The following DISC1 variants were observed in gnomAD, a reference collection of about 807,000 sequenced individuals.
The protein encoded by DISC1 is DISC1 scaffold protein.
In DISC1, 57 loss-of-function variants were observed where a neutral mutation model predicts 84.5. The observed-to-expected ratio is 0.67, with a 90% CI of 0.55 to 0.84. The LOEUF (loss-of-function observed/expected upper bound fraction) is 0.84. Among genes scored for constraint, DISC1 ranks in the 40% least tolerant of loss-of-function variants. The pLI is 0.00. For synonymous variants in DISC1, 411 were observed against 415.2 expected, an observed-to-expected ratio of 0.99 and a Z score of 0.12; for missense variants, 1,000 against 1,057.8, an observed-to-expected ratio of 0.95 and a Z score of 0.76.
intron 9 of DISC1, among the ~76,000 whole-genome samples, chr1:231,921,923 T>G (rs1254014706): frequency 6.6e-6 from 1 of 151,006 alleles, no homozygotes; most frequent in Non-Finnish European, 1.5e-5. Flanking sequence ...CTGCAATAGA[T>G]CTCCAGAATT....
intron 9 of DISC1, among the ~76,000 whole-genome samples, chr1:231,844,784 G>A (rs940423774): frequency 2.6e-5 from 4 of 151,922 alleles, no homozygotes; most frequent in South Asian, 2.1e-4. Flanking sequence ...AAAATTAGCC[G>A]GACATTGTGG....
intron 6 of DISC1, chr1:231,774,623 C>A (rs1219233064): frequency 2.2e-6 from 1 of 448,630 alleles, no homozygotes; most frequent in Admixed American, 2.4e-5. Context: ...GGTCAGCTTC[C>A]TTTCTTCCAC....
chr1:231,780,685 A>G (rs1380245868), intron 6 of DISC1, among the ~76,000 whole-genome samples: 1 of 103,274 alleles, frequency 9.7e-6, no homozygotes, highest in African/African-American at 3.8e-5. Context: ...ACTATAAATC[A>G]TGCTGCTATA....
At chr1:231,988,608 A>T (rs1664780878) in intron 10 of DISC1, among the ~76,000 whole-genome samples, 1 of 152,162 alleles carries the variant, frequency 6.6e-6, no homozygotes, top group South Asian at 2.1e-4. Context: ...ACCTGCAAGA[A>T]ATTGGGAACT....
At chr1:231,790,816 C>T (rs1291091342) in intron 6 of DISC1, among the ~76,000 whole-genome samples, 3 of 152,330 alleles carry the variant, frequency 2.0e-5, no homozygotes, top group African/African-American at 7.2e-5. Context: ...CCGCGCCTGG[C>T]CTTCCACATC....
chr1:231,627,164 CTG>C (rs1286179078), intron 1 of DISC1, among the ~76,000 whole-genome samples: 1 of 152,200 alleles, frequency 6.6e-6, no homozygotes, highest in African/African-American at 2.4e-5. Context: ...TGACCCAGGA[CTG>C]TGCAGCGATC....
chr1:231,777,663 A>G (rs1321270789), intron 6 of DISC1, among the ~76,000 whole-genome samples: 1 of 152,196 alleles, frequency 6.6e-6, no homozygotes, highest in Non-Finnish European at 1.5e-5. Flanking sequence ...TTCCCTGCAT[A>G]GGCGACATCT....
intron 9 of DISC1, among the ~76,000 whole-genome samples, chr1:231,852,316 A>G (rs1235451180): frequency 6.6e-6 from 1 of 152,142 alleles, no homozygotes; most frequent in African/African-American, 2.4e-5. Flanking sequence ...TTTATTTCAG[A>G]GCTTATTTAT....
intron 9 of DISC1, among the ~76,000 whole-genome samples, chr1:231,924,399 A>G (rs536198665): frequency 1.2e-4 from 18 of 152,362 alleles, no homozygotes; most frequent in Admixed American, 5.9e-4. Context: ...TATGAGTGCC[A>G]TAGTTACGGG....
intron 1 of DISC1, among the ~76,000 whole-genome samples, chr1:231,661,054 A>G (rs1259096264): frequency 1.3e-5 from 2 of 152,028 alleles, no homozygotes; most frequent in African/African-American, 2.4e-5. Context: ...TTTCTTTAAG[A>G]CTGTAGAATA....
chr1:231,733,122 AGTG>A (rs1181261008), intron 3 of DISC1, among the ~76,000 whole-genome samples: 1 of 6,596 alleles, frequency 1.5e-4, no homozygotes, highest in Non-Finnish European at 3.2e-4. Context: ...TAGTGGTAGG[AGTG>A]GTGGTGATAG....
chr1:231,869,019 A>G (rs2085271991), intron 9 of DISC1, among the ~76,000 whole-genome samples: 1 of 152,118 alleles, frequency 6.6e-6, no homozygotes, highest in Non-Finnish European at 1.5e-5. Context: ...GCTGCCCTAA[A>G]TGCGAGGAAG....
chr1:231,727,681 T>C (rs1410090315), intron 3 of DISC1, among the ~76,000 whole-genome samples: 1 of 152,206 alleles, frequency 6.6e-6, no homozygotes, highest in African/African-American at 2.4e-5. Context: ...CTTGTGTTTT[T>C]CAAAACTCTT....
intron 9 of DISC1, among the ~76,000 whole-genome samples, chr1:231,888,857 G>A (rs1574419371): frequency 6.6e-6 from 1 of 152,100 alleles, no homozygotes; most frequent in East Asian, 1.9e-4. Context: ...CCCAGAGGAT[G>A]CTTCTTTCTT....
chr1:231,992,845 GT>G (rs1182823847), intron 10 of DISC1, among the ~76,000 whole-genome samples: 2 of 152,160 alleles, frequency 1.3e-5, no homozygotes, highest in Non-Finnish European at 2.9e-5. Context: ...TGTTCATTCA[GT>G]TCATTAGTTA....
chr1:232,009,404 C>T lies in DISC1; in HGVS notation c.2307+355C>T. On this transcript the variant is annotated intron_variant, in intron 11 of 12. Transcript: ENST00000439617. The surrounding 1 kb of genome is among the most constrained non-coding windows in gnomAD (Gnocchi z 4.6). ...TTCACTATAGATTATATATGCCATA[C>T]ATGATATTTAACATATATACTATAC... 2.8e-6 allele frequency: 2 copies of T among 702,712 alleles called. No individual in the cohort carries two copies. Among genetic ancestry groups the T allele is most frequent in the Non-Finnish European group, 3.5e-6 (2 of 564,466 alleles). The allele number at this position is 702,712 out of a possible 1,614,324, so 43.5% of individuals were successfully genotyped here. A position where few individuals can be genotyped will look rare whatever the true frequency, so the allele number is the denominator to read the frequency against.
intron 3 of DISC1, among the ~76,000 whole-genome samples, chr1:231,710,411 A>T (rs1421921436): frequency 2.0e-5 from 3 of 152,196 alleles, no homozygotes; most frequent in African/African-American, 7.2e-5. Context: ...TAATGATGAG[A>T]TGCAAACCCC....
At chr1:231,659,964 G>A in intron 1 of DISC1, among the ~76,000 whole-genome samples, 1 of 152,190 alleles carries the variant, frequency 6.6e-6, no homozygotes, top group East Asian at 1.9e-4. Flanking sequence ...TTGTGGTGGA[G>A]AATTCTGTAG....
In DISC1 at chr1:232,039,683, A is replaced by G. The variant is rs1572719999; in HGVS notation, c.*2852A>G. The G allele has an allele frequency of 6.6e-6, 1 of 152,066 alleles. No homozygotes were observed. The highest frequency in any genetic ancestry group is 1.5e-5 in the Non-Finnish European group (1 of 68,020). The allele number at this position is 152,066 out of a possible 1,614,324, so 9.4% of individuals were successfully genotyped here. A position where few individuals can be genotyped will look rare whatever the true frequency, so the allele number is the denominator to read the frequency against. Reference sequence around the variant, plus strand: ...AGGACTGTGTATCCTCAATCATACTATACAGCAGTTTTTGTCAGGGGAACA... The same window carrying G: ...AGGACTGTGTATCCTCAATCATACTGTACAGCAGTTTTTGTCAGGGGAACA... On this transcript the variant is annotated 3_prime_UTR_variant, in exon 13 of 13. Coordinates refer to ENST00000439617, the MANE Select transcript of DISC1 (RefSeq NM_018662.3).
Sources: gnomAD v4.1 joint callset for allele counts (sites outside exome capture counted in the v4.1 genomes callset) on GRCh38, gnomAD v4.1.1 for gene constraint, Gnocchi (gnomAD v3.1) non-coding constraint, MANE v1.5 for transcripts, NCBI Gene and HGNC (gene_info 2026-07-23, HGNC 2026-07-21) for gene names.